NKAIN2: variants seen among roughly 807,000 people sequenced by gnomAD.
NKAIN2 encodes the protein sodium/potassium transporting ATPase interacting 2.
A neutral mutation model predicts 32.6 loss-of-function variants in NKAIN2; 14 were observed. That is an observed-to-expected ratio of 0.43 (90% CI 0.28 to 0.67). The LOEUF (loss-of-function observed/expected upper bound fraction) is 0.67. Ranked by LOEUF, NKAIN2 falls within the 30% of genes least tolerant of loss-of-function variation. The probability of loss-of-function intolerance (pLI) is 0.17; values close to 1 mark genes in which losing one functional copy is unlikely to be tolerated. For synonymous variants in NKAIN2, 80 were observed against 87.2 expected, an observed-to-expected ratio of 0.92 and a Z score of 0.46; for missense variants, 198 against 258.3, an observed-to-expected ratio of 0.77 and a Z score of 1.60.
intron 4 of NKAIN2, among the ~76,000 whole-genome samples, chr6:124,708,142 A>G (rs1296847689): frequency 1.4e-5 from 2 of 147,176 alleles, no homozygotes; most frequent in East Asian, 3.9e-4. Flanking sequence ...GTCAAAGATC[A>G]GATAGTTGTA....
intron 1 of NKAIN2, among the ~76,000 whole-genome samples, chr6:124,007,312 T>A (rs1360372906): frequency 6.6e-6 from 1 of 152,192 alleles, no homozygotes; most frequent in Non-Finnish European, 1.5e-5. Flanking sequence ...GTAGTTAGAT[T>A]CTTCTGATAC....
At chr6:124,124,593 CCTA>C in intron 1 of NKAIN2, among the ~76,000 whole-genome samples, 1 of 152,252 alleles carries the variant, frequency 6.6e-6, no homozygotes, top group Non-Finnish European at 1.5e-5. Flanking sequence ...AAAGATGTCT[CCTA>C]CTCATTTCTA....
chr6:124,256,712 C>G (rs935400615), intron 1 of NKAIN2, among the ~76,000 whole-genome samples: 2 of 151,964 alleles, frequency 1.3e-5, no homozygotes, highest in Non-Finnish European at 2.9e-5. Flanking sequence ...TTTAAGAGCC[C>G]GTATCTTGGC....
chr6:123,918,147 CAT>C (rs1775583478), intron 1 of NKAIN2, among the ~76,000 whole-genome samples: 1 of 152,040 alleles, frequency 6.6e-6, no homozygotes, highest in East Asian at 1.9e-4. Context: ...ACTCCAGAGA[CAT>C]ATTGTTAGCT....
intron 3 of NKAIN2, among the ~76,000 whole-genome samples, chr6:124,629,669 C>T (rs2114300660): frequency 6.6e-6 from 1 of 152,198 alleles, no homozygotes; most frequent in South Asian, 2.1e-4. Flanking sequence ...AATCTGATAT[C>T]CACCAAAACA....
chr6:124,660,019 G>A (rs1480444241), intron 4 of NKAIN2, among the ~76,000 whole-genome samples: 2 of 152,020 alleles, frequency 1.3e-5, no homozygotes, highest in African/African-American at 2.4e-5. Flanking sequence ...GTAAAAATAA[G>A]TTAGACTTGA....
intron 1 of NKAIN2, among the ~76,000 whole-genome samples, chr6:123,867,827 A>T (rs1772619003): frequency 6.7e-6 from 1 of 150,220 alleles, no homozygotes; most frequent in Admixed American, 6.6e-5. Context: ...ATGATATTTG[A>T]GCATCAGTCA....
chr6:124,803,241 G>T (rs1008524427), intron 5 of NKAIN2, among the ~76,000 whole-genome samples: 26 of 152,094 alleles, frequency 1.7e-4, no homozygotes, highest in African/African-American at 6.3e-4. Flanking sequence ...CAAGAACCTC[G>T]ACAAATCTCT....
intron 1 of NKAIN2, chr6:123,823,482 C>T (rs1261022958): frequency 7.2e-5 from 11 of 152,174 alleles, no homozygotes; most frequent in Admixed American, 7.2e-4. Context: ...AGAGGGAAAC[C>T]AGTTAAGTGA....
At chr6:124,291,562 A>G (rs1795817762) in intron 2 of NKAIN2, among the ~76,000 whole-genome samples, 1 of 152,006 alleles carries the variant, frequency 6.6e-6, no homozygotes, top group Non-Finnish European at 1.5e-5. Flanking sequence ...TTCCAAAAGA[A>G]ATGCAATTGT....
intron 3 of NKAIN2, among the ~76,000 whole-genome samples, chr6:124,602,068 C>A (rs574860098): frequency 1.3e-4 from 20 of 151,950 alleles, no homozygotes; most frequent in South Asian, 4.1e-4. Context: ...CATTAGCTAC[C>A]CTTTCGGGCT....
intron 1 of NKAIN2, among the ~76,000 whole-genome samples, chr6:124,207,292 A>G (rs1266447945): frequency 1.3e-5 from 2 of 151,518 alleles, no homozygotes; most frequent in African/African-American, 4.8e-5. Context: ...ATCCTGAGTC[A>G]AAAAAGAAAT....
intron 1 of NKAIN2, among the ~76,000 whole-genome samples, chr6:124,019,664 A>G (rs1780773472): frequency 6.6e-6 from 1 of 152,150 alleles, no homozygotes; most frequent in Non-Finnish European, 1.5e-5. Flanking sequence ...AAGGATAAAT[A>G]TTTTATATCC....
chr6:124,535,313 AG>A (rs771044377), intron 3 of NKAIN2, among the ~76,000 whole-genome samples: 1 of 152,208 alleles, frequency 6.6e-6, no homozygotes, highest in East Asian at 1.9e-4. Context: ...TTTGAGAAAA[AG>A]ACTGGTTGAT....
chr6:124,626,414 C>T (rs1210504087), intron 3 of NKAIN2, among the ~76,000 whole-genome samples: 1 of 148,410 alleles, frequency 6.7e-6, no homozygotes, highest in African/African-American at 2.4e-5. Context: ...TAACAAGAAG[C>T]AGGTCCTGTG....
At chr6:124,415,075 G>A (rs1199125941) in intron 3 of NKAIN2, among the ~76,000 whole-genome samples, 1 of 152,144 alleles carries the variant, frequency 6.6e-6, no homozygotes, top group Non-Finnish European at 1.5e-5. Context: ...CCACCAACAG[G>A]AAAGTAATGC....
intron 3 of NKAIN2, among the ~76,000 whole-genome samples, chr6:124,388,331 G>T (rs550033081): frequency 6.7e-6 from 1 of 150,342 alleles, no homozygotes; most frequent in Non-Finnish European, 1.5e-5. Context: ...AAACCTCTAC[G>T]GTGGTGGTTC....
chr6:123,967,967 C>A (rs1437803056), intron 1 of NKAIN2, among the ~76,000 whole-genome samples: 1 of 152,140 alleles, frequency 6.6e-6, no homozygotes, highest in Non-Finnish European at 1.5e-5. Context: ...GAAGAGGGTT[C>A]AGGTGCCTCT....
chr6:124,212,507 G>A (rs1018106484), intron 1 of NKAIN2, among the ~76,000 whole-genome samples: 2 of 152,008 alleles, frequency 1.3e-5, no homozygotes, highest in Non-Finnish European at 2.9e-5. Flanking sequence ...CTACTAGGAG[G>A]ACAGCAGCCC....
Sources: allele counts gnomAD v4.1 joint callset (sites outside exome capture counted in the v4.1 genomes callset), GRCh38; gene constraint gnomAD v4.1.1; transcripts MANE v1.5; gene names NCBI Gene and HGNC (gene_info 2026-07-23, HGNC 2026-07-21).